Variants in RALGPS1 observed in about 807,000 individuals in gnomAD.
The protein encoded by RALGPS1 is Ral GEF with PH domain and SH3 binding motif 1, also known as ras-specific guanine nucleotide-releasing factor RalGPS1.
Under a neutral mutation model 78.8 loss-of-function variants are expected in RALGPS1, and 19 were observed. The ratio of observed to expected loss-of-function variants is 0.24; its 90% CI spans 0.17 to 0.35. The LOEUF is 0.35. Among genes scored for constraint, RALGPS1 ranks in the 10% least tolerant of loss-of-function variants. RALGPS1 has a pLI of 1.00. For missense variants in RALGPS1, 454 were observed against 688.3 expected, an observed-to-expected ratio of 0.66 and a Z score of 3.81; for synonymous variants, 228 against 256.3, an observed-to-expected ratio of 0.89 and a Z score of 1.06.
At chr9:127,180,922 G>T (rs1311284876) in intron 11 of RALGPS1, among the ~76,000 whole-genome samples, 2 of 152,238 alleles carry the variant, frequency 1.3e-5, no homozygotes, top group African/African-American at 4.8e-5. Flanking sequence ...ACTTACCTGT[G>T]GCCCCCCACT....
intron 1 of RALGPS1, among the ~76,000 whole-genome samples, chr9:126,923,289 A>G (rs2034947260): frequency 6.6e-6 from 1 of 152,176 alleles, no homozygotes; most frequent in Non-Finnish European, 1.5e-5. Flanking sequence ...AGACAATGGA[A>G]GCTTAGAGAG....
At chr9:127,203,912 G>T (rs1004513788) in intron 14 of RALGPS1, among the ~76,000 whole-genome samples, 4 of 152,220 alleles carry the variant, frequency 2.6e-5, no homozygotes, top group Non-Finnish European at 4.4e-5. Flanking sequence ...ATGGCCCAGG[G>T]CTTGGTGTCT....
At chr9:126,985,182 C>T (rs1402529559) in intron 4 of RALGPS1, among the ~76,000 whole-genome samples, 2 of 152,126 alleles carry the variant, frequency 1.3e-5, no homozygotes, top group Non-Finnish European at 2.9e-5. Flanking sequence ...AAGCTTTGGC[C>T]AGCTGTCTTG....
intron 8 of RALGPS1, among the ~76,000 whole-genome samples, chr9:127,099,051 C>G (rs1164585682): frequency 6.6e-6 from 1 of 152,216 alleles, no homozygotes; most frequent in Non-Finnish European, 1.5e-5. Context: ...CCTCTTCTCT[C>G]TGACGTGCCT....
At chr9:126,926,888 G>A (rs1040027355) in intron 1 of RALGPS1, among the ~76,000 whole-genome samples, 5 of 152,076 alleles carry the variant, frequency 3.3e-5, no homozygotes, top group African/African-American at 7.2e-5. Flanking sequence ...TTTCTCACTC[G>A]GTGCCATGAG....
intron 8 of RALGPS1, chr9:127,108,530 C>A (rs1387559005): frequency 1.2e-6 from 2 of 1,613,116 alleles, no homozygotes; most frequent in Non-Finnish European, 1.7e-6. Context: ...ACGCAGATGG[C>A]ACCCGTGACC....
In RALGPS1 at chr9:127,107,975, G is replaced by T. The variant is rs140708616; in HGVS notation, c.610+38619G>T. ...AGAGTGGGCATAGTGGGCAGAGGGG[G>T]TGGCAGCACCTTCAGGTTCTGGTCA... On this transcript the variant is annotated intron_variant, in intron 8 of 18. Coordinates refer to ENST00000259351, the MANE Select transcript of RALGPS1 (RefSeq NM_014636.3). The T allele has an allele frequency of 3.9e-5, 62 of 1,575,432 alleles. No homozygotes were observed. In the African/African-American group the frequency reaches 5.9e-4, roughly 15 times the overall value.
chr9:126,935,664 C>T (rs1213750182), intron 1 of RALGPS1, among the ~76,000 whole-genome samples: 1 of 152,160 alleles, frequency 6.6e-6, no homozygotes, highest in Non-Finnish European at 1.5e-5. Context: ...GTTTCCAAAA[C>T]TTTATGTATC....
chr9:127,020,439 A>G (rs1284099381), intron 4 of RALGPS1, among the ~76,000 whole-genome samples: 1 of 152,232 alleles, frequency 6.6e-6, no homozygotes, highest in Non-Finnish European at 1.5e-5. Context: ...ATGAATTGCA[A>G]TGGGAAAAGT....
At chr9:127,192,932 G>A (rs2140471474) in intron 11 of RALGPS1, among the ~76,000 whole-genome samples, 1 of 152,328 alleles carries the variant, frequency 6.6e-6, no homozygotes, top group Non-Finnish European at 1.5e-5. Context: ...TCTGGGAGGA[G>A]GCTGACGAGC....
In RALGPS1 at chr9:127,131,216, T is replaced by G. The variant is rs144309032; in HGVS notation, c.611-34853T>G. ...GCCTCTCATCCCTCTCCTGATTTGTTGCTTCTCACCCAGCTGAGATTCCAG... is the reference window on the plus strand; with the variant it reads ...GCCTCTCATCCCTCTCCTGATTTGTGGCTTCTCACCCAGCTGAGATTCCAG... On this transcript the variant is annotated intron_variant, in intron 8 of 18. Coordinates refer to ENST00000259351, the MANE Select transcript of RALGPS1 (RefSeq NM_014636.3). Among the ~76,000 whole-genome samples, 430 of 152,300 alleles carry G rather than the reference T, an allele frequency of 2.8e-3. 2 individuals carry two copies. Among genetic ancestry groups the G allele is most frequent in the African/African-American group, 9.9e-3 (410 of 41,556 alleles).
intron 4 of RALGPS1, among the ~76,000 whole-genome samples, chr9:126,998,270 A>G (rs1208370148): frequency 6.6e-6 from 1 of 152,242 alleles, no homozygotes; most frequent in East Asian, 1.9e-4. Context: ...CAACCTACTC[A>G]TCTGACAAAG....
At chr9:127,063,644 GT>G (rs1201585917) in intron 7 of RALGPS1, among the ~76,000 whole-genome samples, 7 of 151,838 alleles carry the variant, frequency 4.6e-5, no homozygotes, top group Admixed American at 3.3e-4. Context: ...TCTTTCTCCA[GT>G]TTTCCCACTA....
intron 5 of RALGPS1, among the ~76,000 whole-genome samples, chr9:127,037,038 T>G (rs1366846946): frequency 1.3e-5 from 2 of 152,238 alleles, no homozygotes; most frequent in Non-Finnish European, 2.9e-5. Flanking sequence ...GGTTGGCTTT[T>G]GGCCTCTCTC....
chr9:127,066,048 C>A lies in RALGPS1; in HGVS notation c.484-3182C>A, dbSNP rs118109055. On this transcript the variant is annotated intron_variant, in intron 7 of 18. Transcript: ENST00000259351. ...TGAATGTCTGTGTGAGTGTGTGGGG[C>A]AAGTTGGGGATGAGGCATAGAAGAT... is the stretch of plus-strand genomic sequence containing the variant. Among the ~76,000 whole-genome samples the A allele has an allele frequency of 5.0e-3, 768 of 152,210 alleles. 22 individuals carry two copies. The East Asian group carries it at 0.077, about 15-fold the overall frequency.
At chr9:127,047,089 C>T (rs73591263) in intron 5 of RALGPS1, among the ~76,000 whole-genome samples, 7,976 of 152,008 alleles carry the variant, frequency 0.052, 697 homozygotes, top group African/African-American at 0.18. Flanking sequence ...TTTTGGAGGC[C>T]ACTTTTTTTA....
At chr9:127,017,454 C>T (rs1002837444) in intron 4 of RALGPS1, among the ~76,000 whole-genome samples, 3 of 152,140 alleles carry the variant, frequency 2.0e-5, no homozygotes, top group Non-Finnish European at 2.9e-5. Flanking sequence ...ACTTCCAAGA[C>T]TAGAAGTTGT....
At chr9:127,130,687 T>C (rs1328641786) in intron 8 of RALGPS1, among the ~76,000 whole-genome samples, 1 of 152,248 alleles carries the variant, frequency 6.6e-6, no homozygotes, top group African/African-American at 2.4e-5. Flanking sequence ...TGAGCACTTA[T>C]TGATCCTTGC....
At chr9:126,936,877 T>G (rs1281292917) in intron 1 of RALGPS1, among the ~76,000 whole-genome samples, 1 of 150,582 alleles carries the variant, frequency 6.6e-6, no homozygotes, top group Non-Finnish European at 1.5e-5. Context: ...AGACATAGTC[T>G]CGCTCTGTTG....
Sources: allele counts gnomAD v4.1 joint callset (sites outside exome capture counted in the v4.1 genomes callset), GRCh38; gene constraint gnomAD v4.1.1; transcripts MANE v1.5; gene names NCBI Gene and HGNC (gene_info 2026-07-23, HGNC 2026-07-21).